MED27: variants seen among roughly 807,000 people sequenced by gnomAD.
The protein encoded by MED27 is mediator of RNA polymerase II transcription subunit 27.
Under a neutral mutation model 38.2 loss-of-function variants are expected in MED27, and 30 were observed. That is an observed-to-expected ratio of 0.79 (90% CI 0.59 to 1.07). The LOEUF (loss-of-function observed/expected upper bound fraction) is 1.07. MED27 is among the 50% of genes least tolerant of loss of function. The probability of loss-of-function intolerance (pLI) is 0.00; values close to 1 mark genes in which losing one functional copy is unlikely to be tolerated. For missense variants in MED27, 289 were observed against 397.5 expected, an observed-to-expected ratio of 0.73 and a Z score of 2.32; for synonymous variants, 122 against 153.5, an observed-to-expected ratio of 0.79 and a Z score of 1.52.
intron 2 of MED27, among the ~76,000 whole-genome samples, chr9:132,064,481 G>A (rs1833767899): frequency 6.6e-6 from 1 of 152,214 alleles, no homozygotes; most frequent in East Asian, 1.9e-4. Context: ...GTCTGAGGTC[G>A]ATGGAACCCT....
intron 3 of MED27, among the ~76,000 whole-genome samples, chr9:131,972,578 T>G (rs1480970530): frequency 6.6e-6 from 1 of 152,216 alleles, no homozygotes; most frequent in Non-Finnish European, 1.5e-5. Flanking sequence ...AATGAATGAA[T>G]GAGTATTAAA....
At chr9:131,964,415 G>C (rs535713250) in intron 3 of MED27, among the ~76,000 whole-genome samples, 1 of 102,618 alleles carries the variant, frequency 9.7e-6, no homozygotes, top group African/African-American at 3.7e-5. Context: ...TGATAGTGAT[G>C]GTGGTGGTGG....
At chr9:132,009,118 T>C (rs1212462514) in intron 3 of MED27, among the ~76,000 whole-genome samples, 1 of 152,058 alleles carries the variant, frequency 6.6e-6, no homozygotes, top group African/African-American at 2.4e-5. Flanking sequence ...TTTGCTCCTA[T>C]CTCTACTCAG....
At chr9:131,988,226 T>A (rs1831894977) in intron 3 of MED27, among the ~76,000 whole-genome samples, 2 of 152,254 alleles carry the variant, frequency 1.3e-5, no homozygotes, top group South Asian at 2.1e-4. Context: ...TGTTAGCTAC[T>A]TAGCCATGCT....
At chr9:131,960,164 T>C (rs1831185220) in intron 3 of MED27, among the ~76,000 whole-genome samples, 2 of 152,200 alleles carry the variant, frequency 1.3e-5, no homozygotes, top group South Asian at 4.1e-4. Flanking sequence ...AAAACAATTA[T>C]TTACTTAAAT....
chr9:132,062,768 C>T (rs1047417305), intron 2 of MED27, among the ~76,000 whole-genome samples: 6 of 152,092 alleles, frequency 3.9e-5, no homozygotes, highest in African/African-American at 1.4e-4. Context: ...AGGATTATCA[C>T]ATACCACCAC....
At chr9:131,963,605 C>G (rs1831269347) in intron 3 of MED27, among the ~76,000 whole-genome samples, 1 of 152,282 alleles carries the variant, frequency 6.6e-6, no homozygotes, top group Middle Eastern at 3.4e-3. Flanking sequence ...TCCTTCATGC[C>G]TATCTCTTCG....
intron 4 of MED27, among the ~76,000 whole-genome samples, chr9:131,922,268 T>C (rs963756148): frequency 6.6e-6 from 1 of 152,100 alleles, no homozygotes; most frequent in Non-Finnish European, 1.5e-5. Context: ...TACCGTGAGC[T>C]ATTCTTACAC....
chr9:131,867,770 T>C (rs893612941), intron 6 of MED27, among the ~76,000 whole-genome samples: 1 of 152,224 alleles, frequency 6.6e-6, no homozygotes. Context: ...GATGCTAAAA[T>C]GCATGAGAAT....
chr9:131,926,777 T>C (rs374022804), intron 4 of MED27, among the ~76,000 whole-genome samples: 1 of 152,208 alleles, frequency 6.6e-6, no homozygotes, highest in Non-Finnish European at 1.5e-5. Context: ...AAGCAGGGTA[T>C]GAATATGTTA....
intron 6 of MED27, among the ~76,000 whole-genome samples, chr9:131,877,810 G>A (rs1420673314): frequency 1.3e-5 from 2 of 152,120 alleles, no homozygotes; most frequent in Non-Finnish European, 2.9e-5. Context: ...GTCAATTTAC[G>A]CTAGGTACTC....
At chr9:131,957,671 A>G (rs1430948069) in intron 3 of MED27, among the ~76,000 whole-genome samples, 3 of 152,222 alleles carry the variant, frequency 2.0e-5, no homozygotes, top group Non-Finnish European at 2.9e-5. Flanking sequence ...ATACTACTCC[A>G]TAATAAAAAG....
chr9:131,910,565 A>G (rs1000633828), intron 4 of MED27, among the ~76,000 whole-genome samples: 2 of 152,182 alleles, frequency 1.3e-5, no homozygotes, highest in Non-Finnish European at 2.9e-5. Context: ...CCCAGAGCTG[A>G]GTAATACAGA....
At chr9:131,978,594 A>G (rs1484559163) in intron 3 of MED27, among the ~76,000 whole-genome samples, 3 of 152,218 alleles carry the variant, frequency 2.0e-5, no homozygotes, top group African/African-American at 7.2e-5. Context: ...TAAGGATCTG[A>G]TGGATGCCGG....
intron 6 of MED27, among the ~76,000 whole-genome samples, chr9:131,877,520 G>A (rs1478784407): frequency 6.6e-6 from 1 of 151,948 alleles, no homozygotes; most frequent in Non-Finnish European, 1.5e-5. Flanking sequence ...AAGTTGCAGT[G>A]AGCCGAGACC....
intron 2 of MED27, among the ~76,000 whole-genome samples, chr9:132,040,088 A>G (rs781543288): frequency 7.2e-5 from 11 of 152,184 alleles, no homozygotes; most frequent in Admixed American, 6.5e-4. Flanking sequence ...CACTACACCA[A>G]TATCAGCTCC....
Position 131,897,806 on chromosome 9 carries a change from G to A in MED27, c.574-3814C>T, listed in dbSNP as rs374093020. ...CAATTAAGTTGGCACTTTGGGCAGG[G>A]AAGGGGTTTGTTGGATTTTACTTTT... On this transcript the variant is annotated intron_variant, in intron 4 of 7. Transcript: ENST00000292035. Among the ~76,000 whole-genome samples, 165 of 152,310 alleles carry A rather than the reference G, an allele frequency of 1.1e-3. 1 individual carries two copies. The highest frequency in any genetic ancestry group is 3.8e-3 in the African/African-American group (159 of 41,576).
chr9:132,022,798 C>T (rs187298694), intron 2 of MED27, among the ~76,000 whole-genome samples: 1 of 152,162 alleles, frequency 6.6e-6, no homozygotes. Flanking sequence ...GGACCTTCTT[C>T]ACATGGCGGC....
chr9:132,040,432 TG>T (rs1833182168), intron 2 of MED27, among the ~76,000 whole-genome samples: 1 of 152,162 alleles, frequency 6.6e-6, no homozygotes, highest in Non-Finnish European at 1.5e-5. Flanking sequence ...GGAGAGCGGC[TG>T]GCTGGTCTTA....
Sources: gnomAD v4.1 joint callset for allele counts (sites outside exome capture counted in the v4.1 genomes callset) on GRCh38, gnomAD v4.1.1 for gene constraint, MANE v1.5 for transcripts, NCBI Gene and HGNC (gene_info 2026-07-23, HGNC 2026-07-21) for gene names.